FEZ1: variants seen among roughly 807,000 people sequenced by gnomAD.
FEZ1 encodes the protein fasciculation and elongation protein zeta 1, also known as fasciculation and elongation protein zeta-1.
FEZ1 carries 20 observed loss-of-function variants against 49.3 expected under a neutral mutation model. The observed-to-expected ratio is 0.41, with a 90% CI of 0.29 to 0.59. FEZ1 has a LOEUF of 0.59. FEZ1 is among the 20% of genes least tolerant of loss of function. The probability of loss-of-function intolerance (pLI) is 0.36; values close to 1 mark genes in which losing one functional copy is unlikely to be tolerated. For synonymous variants in FEZ1, 170 were observed against 180.9 expected (o/e 0.94, Z 0.48); for missense variants, 413 against 476.0 (o/e 0.87, Z 1.23).
At position 125,489,754 on chromosome 11, in the gene FEZ1, C is replaced by A; in HGVS notation, c.24G>T (p.Leu8=). ...GTCGAAGGTCCTCAAACTCTTCATCCAGACTCACCAGTGGGGCCTCCATTC... is the reference window on the plus strand; with the variant it reads ...GTCGAAGGTCCTCAAACTCTTCATCAAGACTCACCAGTGGGGCCTCCATTC... MEAPLVS[L]DEEFEDLRPS... is the part of the protein sequence containing the mutation. The change falls in exon 2 of 10, where the codon CTG becomes CTT. Residue 8 remains leucine (L), a synonymous_variant. Transcript: ENST00000278919. This position sits in a 1 kb window ranked among gnomAD's most constrained non-coding sequence, Gnocchi z 4.2. The A allele has an allele frequency of 6.4e-7, 1 of 1,556,824 alleles. No homozygotes were observed. The highest frequency in any genetic ancestry group is 8.7e-7 in the Non-Finnish European group (1 of 1,153,096).
chr11:125,462,894 G>T (rs1957089468), intron 4 of FEZ1, among the ~76,000 whole-genome samples: 1 of 151,884 alleles, frequency 6.6e-6, no homozygotes, highest in Non-Finnish European at 1.5e-5. Context: ...CAGCTACTTA[G>T]GGGCCTGAGG....
intron 3 of FEZ1, among the ~76,000 whole-genome samples, chr11:125,475,389 T>A (rs1387059622): frequency 2.0e-5 from 3 of 152,070 alleles, no homozygotes. Context: ...AAATAAGGTA[T>A]CAATTTTGTT....
chr11:125,493,348 AG>A, intron 1 of FEZ1, among the ~76,000 whole-genome samples: 4 of 142,482 alleles, frequency 2.8e-5, no homozygotes, highest in Admixed American at 1.5e-4. Flanking sequence ...AAAGAAAGAA[AG>A]AAAGAAAGAG....
intron 5 of FEZ1, chr11:125,460,285 A>T: frequency 2.2e-6 from 1 of 449,266 alleles, no homozygotes; most frequent in Admixed American, 3.9e-5. Flanking sequence ...TAGTTTTAAC[A>T]TTTAAATTTT....
At chr11:125,485,029 G>A (rs1275774111) in intron 2 of FEZ1, among the ~76,000 whole-genome samples, 4 of 152,170 alleles carry the variant, frequency 2.6e-5, no homozygotes, top group African/African-American at 9.7e-5. Flanking sequence ...CCCGGAGGTG[G>A]ACTGTAAAGT....
At chr11:125,493,370 G>GA (rs749735021) in intron 1 of FEZ1, among the ~76,000 whole-genome samples, 1,198 of 32,370 alleles carry the variant, frequency 0.037, 17 homozygotes, top group Non-Finnish European at 0.047. Flanking sequence ...AGAAAAGAAA[G>GA]AAAGAAAGAA....
chr11:125,447,102 A>G (rs971577507), intron 9 of FEZ1, among the ~76,000 whole-genome samples: 2 of 152,230 alleles, frequency 1.3e-5, no homozygotes, highest in Non-Finnish European at 1.5e-5. Flanking sequence ...AAGGACTATT[A>G]ACATCACAAA....
chr11:125,455,807 C>A, intron 6 of FEZ1, 28 bp downstream of exon 6: 3 of 1,613,150 alleles, frequency 1.9e-6, no homozygotes, highest in Non-Finnish European at 1.7e-6. Flanking sequence ...TTGGAGGCAC[C>A]CAGTCTTCCA....
chr11:125,456,801 A>AT (rs1957014862), intron 5 of FEZ1, among the ~76,000 whole-genome samples: 1 of 152,164 alleles, frequency 6.6e-6, no homozygotes, highest in African/African-American at 2.4e-5. Flanking sequence ...AGATTTGGAT[A>AT]TTTTATTCCA....
intron 3 of FEZ1, among the ~76,000 whole-genome samples, chr11:125,470,796 T>C (rs1957176645): frequency 6.6e-6 from 1 of 152,194 alleles, no homozygotes; most frequent in Admixed American, 6.5e-5. Flanking sequence ...ATGCCAGAAA[T>C]GATAAATACA....
chr11:125,485,426 G>T (rs937255139), intron 2 of FEZ1, among the ~76,000 whole-genome samples: 4 of 152,072 alleles, frequency 2.6e-5, no homozygotes, highest in African/African-American at 9.7e-5. Flanking sequence ...AGCCATCAGG[G>T]TTCTCTCAGT....
At chr11:125,458,772 G>T (rs1263979821) in intron 5 of FEZ1, among the ~76,000 whole-genome samples, 1 of 152,158 alleles carries the variant, frequency 6.6e-6, no homozygotes, top group Non-Finnish European at 1.5e-5. Context: ...TTACTGCTTT[G>T]AAATATAATC....
At chr11:125,465,403 A>G (rs1591589873) in intron 3 of FEZ1, among the ~76,000 whole-genome samples, 1 of 152,088 alleles carries the variant, frequency 6.6e-6, no homozygotes, top group Admixed American at 6.5e-5. Flanking sequence ...GCTTCTAGGG[A>G]TAGATCCTTC....
At chr11:125,470,338 A>G (rs1957173846) in intron 3 of FEZ1, among the ~76,000 whole-genome samples, 1 of 152,248 alleles carries the variant, frequency 6.6e-6, no homozygotes, top group South Asian at 2.1e-4. Context: ...TATGATAGAA[A>G]ATTTAGACTT....
chr11:125,482,472 G>T (rs1430780172), intron 2 of FEZ1, among the ~76,000 whole-genome samples: 1 of 152,112 alleles, frequency 6.6e-6, no homozygotes, highest in African/African-American at 2.4e-5. Context: ...TTATAAGAAA[G>T]GATTTCTACA....
chr11:125,445,189 G>A lies in FEZ1; in HGVS notation c.*906C>T, dbSNP rs552187443. 8.5e-5 allele frequency among the ~76,000 whole-genome samples: 13 copies of A among 152,242 alleles called. No individual in the cohort carries two copies. The highest frequency in any genetic ancestry group is 2.6e-4 in the Admixed American group (4 of 15,290). On this transcript the variant is annotated 3_prime_UTR_variant, in exon 10 of 10. Transcript: ENST00000278919. The surrounding 1 kb of genome is among the most constrained non-coding windows in gnomAD (Gnocchi z 4.4). The stretch of plus-strand genomic sequence containing the variant: ...GAGGGCCGCGGGAAGGGCCAGGACA[G>A]CACTGCAAAGTCAAAGGACACTGTT...
At chr11:125,446,333 A>G (rs1032363945) in intron 9 of FEZ1, among the ~76,000 whole-genome samples, 5 of 152,212 alleles carry the variant, frequency 3.3e-5, no homozygotes, top group African/African-American at 7.2e-5. Context: ...GGATCCAGCC[A>G]TTACTAACTA....
chr11:125,455,683 T>G (rs1015829378), intron 6 of FEZ1, 152 bp downstream of exon 6: 6 of 771,904 alleles, frequency 7.8e-6, no homozygotes, highest in Non-Finnish European at 1.4e-5. Flanking sequence ...GGTGATATCT[T>G]CTCCCTTTCT....
At chr11:125,475,568 C>T (rs1565300200) in intron 3 of FEZ1, among the ~76,000 whole-genome samples, 1 of 151,932 alleles carries the variant, frequency 6.6e-6, no homozygotes. Context: ...GAACAATACA[C>T]ACTGGGCCCT....
Sources: gnomAD v4.1 joint callset for allele counts (sites outside exome capture counted in the v4.1 genomes callset) on GRCh38, gnomAD v4.1.1 for gene constraint, Gnocchi (gnomAD v3.1) non-coding constraint, MANE v1.5 for transcripts, NCBI Gene and HGNC (gene_info 2026-07-23, HGNC 2026-07-21) for gene names.